Variants in AP1G1 observed in about 807,000 individuals in gnomAD.
The protein encoded by AP1G1 is adaptor related protein complex 1 subunit gamma 1.
A neutral mutation model predicts 108.3 loss-of-function variants in AP1G1; 7 were observed. That is an observed-to-expected ratio of 0.06 (90% CI 0.04 to 0.12). AP1G1 has a LOEUF of 0.12. AP1G1 is among the 10% of genes least tolerant of loss of function. AP1G1 has a pLI of 1.00. For missense variants in AP1G1, 756 were observed against 1,010.7 expected, an observed-to-expected ratio of 0.75 and a Z score of 3.42; for synonymous variants, 379 against 353.5, an observed-to-expected ratio of 1.07 and a Z score of -0.81.
At chr16:71,764,099 G>A (rs757503848) in intron 9 of AP1G1, among the ~76,000 whole-genome samples, 8 of 152,110 alleles carry the variant, frequency 5.3e-5, no homozygotes, top group African/African-American at 9.7e-5. Flanking sequence ...CAAGGTTAAC[G>A]TCACCAATGA....
chr16:71,785,554 G>C (rs2032169410), intron 2 of AP1G1, among the ~76,000 whole-genome samples: 1 of 120,202 alleles, frequency 8.3e-6, no homozygotes, highest in Non-Finnish European at 1.6e-5. Context: ...CAGCCTGAGT[G>C]ACAAGAGCGA....
At chr16:71,769,046 G>C (rs1567652834) in intron 6 of AP1G1, among the ~76,000 whole-genome samples, 1 of 148,382 alleles carries the variant, frequency 6.7e-6, no homozygotes, top group Non-Finnish European at 1.5e-5. Flanking sequence ...ACTTTGGGAG[G>C]CTGAGGCGGG....
chr16:71,762,913 GC>G (rs1026280927), intron 9 of AP1G1, among the ~76,000 whole-genome samples: 3 of 152,210 alleles, frequency 2.0e-5, no homozygotes, highest in African/African-American at 7.2e-5. Flanking sequence ...AGTTGGGGCG[GC>G]GGGGGGTCAG....
intron 2 of AP1G1, among the ~76,000 whole-genome samples, chr16:71,775,437 C>A (rs547834068): frequency 7.9e-5 from 12 of 152,206 alleles, no homozygotes; most frequent in Non-Finnish European, 1.5e-4. Flanking sequence ...ATGATATTTG[C>A]CATTCAAATA....
chr16:71,745,303 T>C, intron 18 of AP1G1, 33 bp from the exon 19 acceptor site: 1 of 1,613,232 alleles, frequency 6.2e-7, no homozygotes, highest in African/African-American at 1.3e-5. Context: ...AATTCATTAT[T>C]ATTTGATTTG....
chr16:71,754,811 A>AG (rs1250962345), intron 12 of AP1G1, among the ~76,000 whole-genome samples: 1 of 146,592 alleles, frequency 6.8e-6, no homozygotes, highest in Non-Finnish European at 1.5e-5. Context: ...AAAATTAAAG[A>AG]AAAAAAAAAA....
At chr16:71,803,742 G>C (rs1173767125) in intron 1 of AP1G1, among the ~76,000 whole-genome samples, 4 of 151,988 alleles carry the variant, frequency 2.6e-5, no homozygotes, top group African/African-American at 9.7e-5. Context: ...CTGGTCAACA[G>C]GGTGAAGCCC....
At chr16:71,757,307 C>T (rs377071100) in intron 11 of AP1G1, among the ~76,000 whole-genome samples, 206 of 151,976 alleles carry the variant, frequency 1.4e-3, no homozygotes, top group Non-Finnish European at 2.5e-3. Context: ...AAAAATTAGC[C>T]GGGTGTGGTG....
At position 71,763,559 on chromosome 16, in the gene AP1G1, T is replaced by C. The variant is rs556751458; in HGVS notation, c.918+791A>G. ...AGAAAAAAAGAACATGACTTATCTC[T>C]ATGCATGAATTTGGAAGTGGCTCCA... is the stretch of plus-strand genomic sequence containing the variant. On this transcript the variant is annotated intron_variant, in intron 9 of 22. Coordinates refer to ENST00000299980, the MANE Select transcript of AP1G1 (RefSeq NM_001128.6). Among the ~76,000 whole-genome samples the C allele has an allele frequency of 2.0e-5, 3 of 152,336 alleles. No homozygotes were observed. The South Asian group carries it at 6.2e-4, about 32-fold the overall frequency.
intron 2 of AP1G1, among the ~76,000 whole-genome samples, chr16:71,776,581 A>C (rs181517639): frequency 6.6e-6 from 1 of 152,228 alleles, no homozygotes; most frequent in Admixed American, 6.5e-5. Context: ...TCATAATTCT[A>C]TAAGTATTTT....
intron 3 of AP1G1, chr16:71,774,248 G>A (rs1405169343): frequency 2.1e-6 from 1 of 474,464 alleles, no homozygotes; most frequent in Non-Finnish European, 3.7e-6. Context: ...CGTGGTGGCA[G>A]GTGCCTATAA....
intron 3 of AP1G1, 152 bp downstream of exon 3, chr16:71,774,316 G>C (rs1024024673): frequency 5.5e-6 from 4 of 732,236 alleles, no homozygotes; most frequent in Non-Finnish European, 8.6e-6. Context: ...TGGCAGTTGG[G>C]GGAGGACGGT....
intron 1 of AP1G1, among the ~76,000 whole-genome samples, chr16:71,791,948 G>C (rs12935106): frequency 0.23 from 34,623 of 151,666 alleles, 4,633 homozygotes; most frequent in Non-Finnish European, 0.31. Context: ...TTTTAGTAGA[G>C]ACAGGGTTTC....
rs190958374 is a variant in AP1G1 at position 71,730,829 on chromosome 16, C to T, written c.*2229G>A. On this transcript the variant is annotated 3_prime_UTR_variant, in exon 23 of 23. Transcript: ENST00000299980. ...CTATGAATGATCATAAACTCTACCT[C>T]GAAACTATGATCACCCAAGGAAATG... The T allele has an allele frequency of 3.9e-5, 6 of 152,680 alleles. No homozygotes were observed. The East Asian group carries it at 7.7e-4, about 20-fold the overall frequency. The allele number at this position is 152,680 out of a possible 1,614,324, so 9.5% of individuals were successfully genotyped here.
chr16:71,753,965 C>G (rs1322857760), intron 12 of AP1G1, 78 bp from the exon 13 acceptor site: 27 of 1,357,552 alleles, frequency 2.0e-5, no homozygotes, highest in Non-Finnish European at 2.5e-5. Flanking sequence ...CCTGCCCAAG[C>G]AGGGTGACTC....
intron 16 of AP1G1, 109 bp from the exon 17 acceptor site, chr16:71,746,801 ATT>A (rs2030205265): frequency 1.4e-6 from 1 of 700,770 alleles, no homozygotes; most frequent in Non-Finnish European, 2.3e-6. Flanking sequence ...TGAAATACTC[ATT>A]TTTTCTTAAT....
chr16:71,752,210 T>TA (rs1240127398), intron 13 of AP1G1, among the ~76,000 whole-genome samples: 1 of 152,180 alleles, frequency 6.6e-6, no homozygotes, highest in Non-Finnish European at 1.5e-5. Flanking sequence ...TGAATTCTCA[T>TA]AAACACTTTC....
chr16:71,773,962 G>A (rs1353152377), intron 3 of AP1G1, among the ~76,000 whole-genome samples: 1 of 150,100 alleles, frequency 6.7e-6, no homozygotes, highest in Non-Finnish European at 1.5e-5. Context: ...TAGAAACGGG[G>A]TTTCACCACA....
chr16:71,783,268 G>A (rs565182976), intron 2 of AP1G1, among the ~76,000 whole-genome samples: 2 of 151,358 alleles, frequency 1.3e-5, no homozygotes, highest in South Asian at 4.2e-4. Context: ...GGATATCAAA[G>A]GAAAAAAAAG....
Sources: allele counts gnomAD v4.1 joint callset (sites outside exome capture counted in the v4.1 genomes callset), GRCh38; gene constraint gnomAD v4.1.1; transcripts MANE v1.5; gene names NCBI Gene and HGNC (gene_info 2026-07-23, HGNC 2026-07-21).